Variants in CEP85L observed in about 807,000 individuals in gnomAD.
The protein encoded by CEP85L is centrosomal protein of 85 kDa-like.
In CEP85L, 60 loss-of-function variants were observed where a neutral mutation model predicts 100.3. That is an observed-to-expected ratio of 0.60 (90% CI 0.49 to 0.74). The LOEUF (loss-of-function observed/expected upper bound fraction) is 0.74, where lower values mean the gene tolerates loss of function less well. CEP85L is among the 30% of genes least tolerant of loss of function. CEP85L has a pLI of 0.00. For synonymous variants in CEP85L, 319 were observed against 322.7 expected, an observed-to-expected ratio of 0.99 and a Z score of 0.12; for missense variants, 973 against 936.2, an observed-to-expected ratio of 1.04 and a Z score of -0.51.
At chr6:118,466,849 T>G (rs897598586) in intron 12 of CEP85L, among the ~76,000 whole-genome samples, 1 of 152,028 alleles carries the variant, frequency 6.6e-6, no homozygotes, top group African/African-American at 2.4e-5. Context: ...GAGACCAGTA[T>G]AGGTGACGGG....
chr6:118,498,911 G>T (rs917474989), intron 5 of CEP85L, among the ~76,000 whole-genome samples: 1 of 152,196 alleles, frequency 6.6e-6, no homozygotes, highest in Non-Finnish European at 1.5e-5. Context: ...AATGTCTGCT[G>T]TCAGACCATA....
chr6:118,696,617 G>A (rs1777221065), intron 1 of CEP85L, among the ~76,000 whole-genome samples: 1 of 152,202 alleles, frequency 6.6e-6, no homozygotes, highest in Non-Finnish European at 1.5e-5. Context: ...TGGGGAAGAA[G>A]AATGACTAAC....
chr6:118,553,902 T>A (rs1015533949), intron 3 of CEP85L, among the ~76,000 whole-genome samples: 1 of 152,198 alleles, frequency 6.6e-6, no homozygotes, highest in Admixed American at 6.5e-5. Flanking sequence ...TTCTCACCTG[T>A]GATAGAAAGA....
chr6:118,690,859 A>G (rs2114309553), intron 1 of CEP85L, among the ~76,000 whole-genome samples: 1 of 152,106 alleles, frequency 6.6e-6, no homozygotes, highest in East Asian at 1.9e-4. Flanking sequence ...TTAGCTAGAC[A>G]TAGTGGTGAC....
At chr6:118,608,545 T>C (rs1319079622) in intron 2 of CEP85L, among the ~76,000 whole-genome samples, 1 of 152,078 alleles carries the variant, frequency 6.6e-6, no homozygotes, top group Non-Finnish European at 1.5e-5. Flanking sequence ...TAATCTCTTA[T>C]CTCCTAGATT....
chr6:118,513,762 A>C (rs1037161046), intron 4 of CEP85L, among the ~76,000 whole-genome samples: 19 of 152,162 alleles, frequency 1.2e-4, no homozygotes, highest in African/African-American at 4.6e-4. Flanking sequence ...AAAATGATAA[A>C]GGAACACCTT....
chr6:118,529,451 C>T (rs1375928990), intron 3 of CEP85L, among the ~76,000 whole-genome samples: 2 of 151,332 alleles, frequency 1.3e-5, no homozygotes, highest in Non-Finnish European at 2.9e-5. Context: ...ACTAAAAATA[C>T]AAAAAAATTA....
intron 2 of CEP85L, among the ~76,000 whole-genome samples, chr6:118,609,191 T>G (rs1281607423): frequency 3.9e-5 from 6 of 152,212 alleles, no homozygotes; most frequent in Non-Finnish European, 5.9e-5. Context: ...GCAAAAGGTC[T>G]GGAAGAACAT....
At chr6:118,628,913 G>A (rs1430433769) in intron 2 of CEP85L, among the ~76,000 whole-genome samples, 2 of 152,162 alleles carry the variant, frequency 1.3e-5, no homozygotes, top group Admixed American at 6.5e-5. Context: ...GAAAGCATCT[G>A]CTCTGCAAAA....
chr6:118,566,372 G>A (rs915052322), intron 2 of CEP85L, 56 bp from the exon 3 acceptor site: 2 of 1,388,326 alleles, frequency 1.4e-6, no homozygotes, highest in South Asian at 2.7e-5. Context: ...AAGAGAATGA[G>A]GTAAAATGCA....
intron 1 of CEP85L, among the ~76,000 whole-genome samples, chr6:118,668,181 T>C (rs1330819876): frequency 6.6e-6 from 1 of 152,206 alleles, no homozygotes; most frequent in Non-Finnish European, 1.5e-5. Context: ...CTGGTAAGAA[T>C]ATGCAGTGCT....
At chr6:118,546,611 T>C (rs1778218215) in intron 3 of CEP85L, among the ~76,000 whole-genome samples, 1 of 152,164 alleles carries the variant, frequency 6.6e-6, no homozygotes, top group Non-Finnish European at 1.5e-5. Flanking sequence ...CAAATTATAA[T>C]TTTTTCCCAC....
At chr6:118,626,902 C>T (rs1398261925) in intron 2 of CEP85L, among the ~76,000 whole-genome samples, 1 of 152,132 alleles carries the variant, frequency 6.6e-6, no homozygotes, top group African/African-American at 2.4e-5. Flanking sequence ...TCAAACTCAA[C>T]AGTAAAGAAG....
At chr6:118,692,738 G>GA (rs1777084979) in intron 1 of CEP85L, among the ~76,000 whole-genome samples, 3 of 62,894 alleles carry the variant, frequency 4.8e-5, no homozygotes, top group Non-Finnish European at 8.0e-5. Flanking sequence ...ATGGCAGTGA[G>GA]CTAGTTAAGG....
At chr6:118,556,670 T>A (rs940836205) in intron 3 of CEP85L, among the ~76,000 whole-genome samples, 7 of 152,188 alleles carry the variant, frequency 4.6e-5, no homozygotes, top group Non-Finnish European at 7.3e-5. Flanking sequence ...AAATAAAATC[T>A]GACACCTGGG....
chr6:118,629,924 C>T (rs1272857981), intron 2 of CEP85L, among the ~76,000 whole-genome samples: 1 of 152,136 alleles, frequency 6.6e-6, no homozygotes, highest in East Asian at 1.9e-4. Flanking sequence ...AAGACCCCTT[C>T]GTTCAAGTCA....
intron 1 of CEP85L, among the ~76,000 whole-genome samples, chr6:118,707,012 C>T (rs890356659): frequency 2.6e-5 from 4 of 152,088 alleles, no homozygotes; most frequent in Admixed American, 6.6e-5. Flanking sequence ...CTGGCAAATC[C>T]CCAAACTTCA....
chr6:118,608,449 C>A (rs1029647829), intron 2 of CEP85L, among the ~76,000 whole-genome samples: 3 of 151,622 alleles, frequency 2.0e-5, no homozygotes, highest in Admixed American at 6.6e-5. Context: ...GAGCGGAGAT[C>A]GCACCACTGC....
intron 6 of CEP85L, among the ~76,000 whole-genome samples, chr6:118,484,835 T>A (rs1431464250): frequency 1.3e-5 from 2 of 152,196 alleles, no homozygotes; most frequent in Non-Finnish European, 2.9e-5. Flanking sequence ...GCTGGAAGAA[T>A]ACACCAAATA....
Sources: allele counts gnomAD v4.1 joint callset (sites outside exome capture counted in the v4.1 genomes callset), GRCh38; gene constraint gnomAD v4.1.1; transcripts MANE v1.5; gene names NCBI Gene and HGNC (gene_info 2026-07-23, HGNC 2026-07-21).